Variants in UIMC1 observed in about 807,000 individuals in gnomAD.
UIMC1 encodes BRCA1-A complex subunit RAP80.
Under a neutral mutation model 84.9 loss-of-function variants are expected in UIMC1, and 42 were observed. The ratio of observed to expected loss-of-function variants is 0.49; its 90% CI spans 0.39 to 0.64. The LOEUF (loss-of-function observed/expected upper bound fraction) is 0.64. UIMC1 is among the 30% of genes least tolerant of loss of function. The pLI is 0.00. For synonymous variants in UIMC1, 281 were observed against 293.0 expected (o/e 0.96, Z 0.42); for missense variants, 825 against 847.6 (o/e 0.97, Z 0.33).
chr5:176,942,301 G>T (rs1361367114), intron 10 of UIMC1, among the ~76,000 whole-genome samples: 1 of 151,784 alleles, frequency 6.6e-6, no homozygotes, highest in Non-Finnish European at 1.5e-5. Flanking sequence ...ACCTACAAGG[G>T]GTTTATTCTG....
At chr5:176,906,704 G>A (rs1365442186) in intron 13 of UIMC1, among the ~76,000 whole-genome samples, 2 of 152,130 alleles carry the variant, frequency 1.3e-5, no homozygotes, top group Non-Finnish European at 2.9e-5. Context: ...ACGCACAAAC[G>A]CTCAGGATCA....
chr5:176,929,496 G>A (rs1762822488), intron 10 of UIMC1, among the ~76,000 whole-genome samples: 1 of 152,104 alleles, frequency 6.6e-6, no homozygotes, highest in Non-Finnish European at 1.5e-5. Context: ...GAACTCGGGA[G>A]GCAGAGGTTG....
chr5:176,917,777 T>C (rs1205648894), intron 10 of UIMC1, among the ~76,000 whole-genome samples: 2 of 152,198 alleles, frequency 1.3e-5, no homozygotes, highest in African/African-American at 4.8e-5. Flanking sequence ...CTGACCAATA[T>C]GGTGAAACCC....
At chr5:176,911,529 T>C in intron 10 of UIMC1, 140 bp from the exon 11 acceptor site, 1 of 464,284 alleles carries the variant, frequency 2.2e-6, no homozygotes, top group Non-Finnish European at 3.5e-6. Context: ...GAAGTCTCAA[T>C]CTTTCTAGAA....
intron 10 of UIMC1, among the ~76,000 whole-genome samples, chr5:176,914,767 A>C (rs1366086665): frequency 6.6e-6 from 1 of 152,236 alleles, no homozygotes; most frequent in Non-Finnish European, 1.5e-5. Flanking sequence ...AGTCAGGCAC[A>C]GATTAAATGA....
intron 6 of UIMC1, among the ~76,000 whole-genome samples, chr5:176,959,475 G>C (rs1767032019): frequency 6.6e-6 from 1 of 151,960 alleles, no homozygotes; most frequent in Non-Finnish European, 1.5e-5. Flanking sequence ...CCAGCACTTT[G>C]GGAGGCCGAG....
rs115689575 is a variant in UIMC1, at chr5:176,933,325, A to G, written c.1597+10010T>C. ...AAAAATGTCAACTTCACTACTAATC[A>G]AAGAAACATGAAGTACAATGAAATG... On this transcript the variant is annotated intron_variant, in intron 10 of 14. Transcript: ENST00000511320. Among the ~76,000 whole-genome samples the G allele has an allele frequency of 9.4e-3, 1,425 of 152,348 alleles. 28 individuals are homozygous for G. Among genetic ancestry groups the G allele is most frequent in the African/African-American group, 0.033 (1,364 of 41,586 alleles).
intron 10 of UIMC1, among the ~76,000 whole-genome samples, chr5:176,941,310 T>C (rs1361468129): frequency 6.6e-6 from 1 of 152,148 alleles, no homozygotes; most frequent in Non-Finnish European, 1.5e-5. Context: ...GAGCTAAATT[T>C]ACTGCTAAAT....
At chr5:176,914,525 G>C (rs1243518907) in intron 10 of UIMC1, among the ~76,000 whole-genome samples, 1 of 152,188 alleles carries the variant, frequency 6.6e-6, no homozygotes, top group Non-Finnish European at 1.5e-5. Context: ...TGCTCTTAAG[G>C]AGAGTGCAGT....
Position 176,951,628 on chromosome 5 carries a change from T to C in UIMC1, c.1340-51A>G, listed in dbSNP as rs189466969. The C allele has an allele frequency of 1.0e-4, 143 of 1,422,726 alleles. No homozygotes were observed. The East Asian group carries it at 3.4e-3, about 34-fold the overall frequency. 88.1% of individuals were successfully genotyped at this position (1,422,726 alleles called of 1,614,324 possible). ...CATTAATTTTCATTTTGTGTTTTCA[T>C]AATTAAAAAAACAAACATGCCTATT... On this transcript the variant is annotated intron_variant, in intron 8 of 14. Coordinates refer to ENST00000511320, the MANE Select transcript of UIMC1 (RefSeq NM_001199298.2).
At chr5:176,985,507 G>A (rs1442537701) in intron 1 of UIMC1, among the ~76,000 whole-genome samples, 2 of 151,368 alleles carry the variant, frequency 1.3e-5, no homozygotes, top group Non-Finnish European at 2.9e-5. Flanking sequence ...ATTCTCCATG[G>A]TGAAATTTCA....
chr5:176,941,535 G>C (rs1195746693), intron 10 of UIMC1, among the ~76,000 whole-genome samples: 2 of 152,024 alleles, frequency 1.3e-5, no homozygotes, highest in East Asian at 3.9e-4. Flanking sequence ...ATTACTTCAA[G>C]AAAAGTAAAT....
At chr5:176,997,181 T>C (rs889051020) in intron 1 of UIMC1, among the ~76,000 whole-genome samples, 4 of 152,124 alleles carry the variant, frequency 2.6e-5, no homozygotes, top group African/African-American at 9.7e-5. Flanking sequence ...CATCCTTATG[T>C]GCAACTGATT....
intron 6 of UIMC1, 61 bp from the exon 7 acceptor site, chr5:176,958,215 T>G: frequency 7.0e-7 from 1 of 1,437,008 alleles, no homozygotes; most frequent in Non-Finnish European, 9.5e-7. Context: ...TTCTCTTCCT[T>G]TTTTAAAAAA....
upstream of UIMC1, among the ~76,000 whole-genome samples, chr5:177,010,340 T>A (rs1468768163): frequency 1.3e-5 from 2 of 152,204 alleles, no homozygotes; most frequent in Non-Finnish European, 2.9e-5. Flanking sequence ...TTATTTTGTG[T>A]ATTGCTGTGT....
At chr5:176,945,742 A>C (rs1042332073) in intron 9 of UIMC1, among the ~76,000 whole-genome samples, 2 of 152,208 alleles carry the variant, frequency 1.3e-5, no homozygotes, top group Non-Finnish European at 2.9e-5. Context: ...CTTTAGGGTT[A>C]AGCCATACTC....
upstream of UIMC1, among the ~76,000 whole-genome samples, chr5:177,011,216 A>G (rs1186069990): frequency 6.6e-6 from 1 of 151,788 alleles, no homozygotes; most frequent in Non-Finnish European, 1.5e-5. Context: ...AAGAAAAGAA[A>G]AAAAGAACCA....
intron 10 of UIMC1, among the ~76,000 whole-genome samples, chr5:176,918,565 C>A (rs1025928600): frequency 2.6e-5 from 4 of 152,166 alleles, no homozygotes; most frequent in Admixed American, 2.6e-4. Flanking sequence ...TCTAGCTGAG[C>A]CTATCATTAA....
chr5:176,941,233 A>G (rs944859751), intron 10 of UIMC1, among the ~76,000 whole-genome samples: 1 of 152,234 alleles, frequency 6.6e-6, no homozygotes, highest in African/African-American at 2.4e-5. Flanking sequence ...CTATAAACAG[A>G]AAAAGCAGAA....
Sources: gnomAD v4.1 joint callset for allele counts (sites outside exome capture counted in the v4.1 genomes callset) on GRCh38, gnomAD v4.1.1 for gene constraint, MANE v1.5 for transcripts, NCBI Gene and HGNC (gene_info 2026-07-23, HGNC 2026-07-21) for gene names.